The following LDLRAD4 variants were observed in gnomAD, a reference collection of about 807,000 sequenced individuals.
The protein encoded by LDLRAD4 is low-density lipoprotein receptor class A domain-containing protein 4.
Under a neutral mutation model 17.0 loss-of-function variants are expected in LDLRAD4, and 5 were observed. The observed-to-expected ratio is 0.29, with a 90% CI of 0.15 to 0.62. The LOEUF (loss-of-function observed/expected upper bound fraction) is 0.62. Among genes scored for constraint, LDLRAD4 ranks in the 20% least tolerant of loss-of-function variants. LDLRAD4 has a pLI of 0.84. For missense variants in LDLRAD4, 340 were observed against 424.7 expected (o/e 0.80, Z 1.75); for synonymous variants, 168 against 171.8 (o/e 0.98, Z 0.17).
intron 3 of LDLRAD4, chr18:13,585,314 A>AT (rs1186521167): frequency 1.3e-5 from 2 of 152,212 alleles, no homozygotes; most frequent in Non-Finnish European, 2.9e-5. Context: ...AGCTGCATGA[A>AT]TTTATCTTCG....
intron 1 of LDLRAD4, among the ~76,000 whole-genome samples, chr18:13,220,553 C>T (rs1201959951): frequency 6.6e-6 from 1 of 152,172 alleles, no homozygotes; most frequent in Non-Finnish European, 1.5e-5. Context: ...ACTCCTGCAC[C>T]CCACCCTACT....
intron 1 of LDLRAD4, among the ~76,000 whole-genome samples, chr18:13,291,428 C>G (rs1027562279): frequency 2.0e-5 from 3 of 152,192 alleles, no homozygotes; most frequent in Non-Finnish European, 4.4e-5. Context: ...AAGCCTTGGA[C>G]AAATCAAATT....
At chr18:13,298,486 CGGGCACGGTGATGGAGCTGCTCT>C (rs1567980477) in intron 1 of LDLRAD4, among the ~76,000 whole-genome samples, 50 of 127,794 alleles carry the variant, frequency 3.9e-4, no homozygotes, top group African/African-American at 1.5e-3. Flanking sequence ...GGAGCTGCTC[CGGGCACGGTGATGGAGCTGCTCT>C]GGGCACGGTG....
At chr18:13,330,930 C>T (rs1022274741) in intron 1 of LDLRAD4, among the ~76,000 whole-genome samples, 2 of 152,208 alleles carry the variant, frequency 1.3e-5, no homozygotes, top group African/African-American at 4.8e-5. Context: ...CCAAGAGCTT[C>T]TGGATAGCTA....
intron 3 of LDLRAD4, among the ~76,000 whole-genome samples, chr18:13,506,667 C>T (rs918212924): frequency 3.3e-5 from 5 of 152,220 alleles, no homozygotes; most frequent in African/African-American, 1.2e-4. Context: ...GAATAGCCCT[C>T]TATTGGAAGA....
At chr18:13,559,098 A>G (rs1459049797) in intron 3 of LDLRAD4, among the ~76,000 whole-genome samples, 1 of 152,250 alleles carries the variant, frequency 6.6e-6, no homozygotes, top group Non-Finnish European at 1.5e-5. Flanking sequence ...GGGAGTCTCG[A>G]TGGATCACCA....
At chr18:13,603,214 A>G (rs1453770058) in intron 3 of LDLRAD4, among the ~76,000 whole-genome samples, 3 of 152,162 alleles carry the variant, frequency 2.0e-5, no homozygotes, top group Admixed American at 1.3e-4. Flanking sequence ...GCCTGGTGGT[A>G]CAGTTTGTTT....
At chr18:13,571,541 G>A (rs1166151468) in intron 3 of LDLRAD4, among the ~76,000 whole-genome samples, 1 of 152,226 alleles carries the variant, frequency 6.6e-6, no homozygotes, top group South Asian at 2.1e-4. Flanking sequence ...TTAAGCTCAC[G>A]CATGATGGCG....
intron 4 of LDLRAD4, among the ~76,000 whole-genome samples, chr18:13,624,172 ACTGCCGG>A (rs2040906633): frequency 2.2e-5 from 2 of 91,492 alleles, no homozygotes; most frequent in Non-Finnish European, 3.6e-5. Flanking sequence ...GGTGCTGAGC[ACTGCCGG>A]ACCCACCAGG....
At chr18:13,306,144 T>C (rs2146650792) in intron 1 of LDLRAD4, among the ~76,000 whole-genome samples, 1 of 152,246 alleles carries the variant, frequency 6.6e-6, no homozygotes, top group Middle Eastern at 3.4e-3. Flanking sequence ...TGGTCTATTC[T>C]GGAAAAAAAA....
intron 1 of LDLRAD4, among the ~76,000 whole-genome samples, chr18:13,257,109 C>T (rs751590322): frequency 3.3e-5 from 5 of 152,206 alleles, no homozygotes; most frequent in Admixed American, 6.5e-5. Context: ...AACGTTTCTG[C>T]CATGGAGTCA....
At chr18:13,394,661 G>T (rs2086520625) in intron 2 of LDLRAD4, among the ~76,000 whole-genome samples, 1 of 152,218 alleles carries the variant, frequency 6.6e-6, no homozygotes, top group Admixed American at 6.5e-5. Context: ...ATTGCTGGGT[G>T]TTAGGGCTGA....
At chr18:13,412,394 C>T (rs543372909) in intron 2 of LDLRAD4, among the ~76,000 whole-genome samples, 27 of 152,304 alleles carry the variant, frequency 1.8e-4, no homozygotes, top group Non-Finnish European at 3.5e-4. Flanking sequence ...TCATTTTCAG[C>T]ACTCAGGTCA....
At chr18:13,532,464 G>A (rs893824517) in intron 3 of LDLRAD4, among the ~76,000 whole-genome samples, 8 of 152,210 alleles carry the variant, frequency 5.3e-5, no homozygotes, top group African/African-American at 1.4e-4. Flanking sequence ...AAGCGACCGC[G>A]TAGTTGGGAG....
At chr18:13,329,245 AG>A in intron 1 of LDLRAD4, among the ~76,000 whole-genome samples, 1 of 152,196 alleles carries the variant, frequency 6.6e-6, no homozygotes, top group Non-Finnish European at 1.5e-5. Flanking sequence ...GCCCATCTTT[AG>A]GCTTGCACCA....
intron 1 of LDLRAD4, among the ~76,000 whole-genome samples, chr18:13,380,432 C>G (rs2085266857): frequency 6.6e-6 from 1 of 152,180 alleles, no homozygotes; most frequent in Admixed American, 6.5e-5. Context: ...CCAGCCCTGG[C>G]TTGCATTCCT....
At chr18:13,448,012 T>C (rs1008290354) in intron 3 of LDLRAD4, among the ~76,000 whole-genome samples, 5 of 152,008 alleles carry the variant, frequency 3.3e-5, no homozygotes, top group African/African-American at 1.2e-4. Context: ...GGAGAGGGGG[T>C]GCTAAGAGAA....
chr18:13,481,906 G>A (rs963855496), intron 3 of LDLRAD4, among the ~76,000 whole-genome samples: 3 of 152,180 alleles, frequency 2.0e-5, no homozygotes, highest in African/African-American at 7.2e-5. Flanking sequence ...GGGCAGGAGG[G>A]GGAAGGCAGA....
At chr18:13,431,472 A>G (rs16940509) in intron 2 of LDLRAD4, among the ~76,000 whole-genome samples, 24,470 of 152,166 alleles carry the variant, frequency 0.16, 4,107 homozygotes, top group African/African-American at 0.41. Context: ...TTAAAATGCC[A>G]GGTGGTGTTT....
Sources: gnomAD v4.1 joint callset for allele counts (sites outside exome capture counted in the v4.1 genomes callset) on GRCh38, gnomAD v4.1.1 for gene constraint, MANE v1.5 for transcripts, NCBI Gene and HGNC (gene_info 2026-07-23, HGNC 2026-07-21) for gene names.